The following EIF2D variants were observed in gnomAD, a reference collection of about 807,000 sequenced individuals.
The protein encoded by EIF2D is hepatocellular carcinoma-associated antigen 56.
In EIF2D, 56 loss-of-function variants were observed where a neutral mutation model predicts 77.4. That is an observed-to-expected ratio of 0.72 (90% CI 0.58 to 0.90). The LOEUF (loss-of-function observed/expected upper bound fraction) is 0.90, where lower values mean the gene tolerates loss of function less well. Among genes scored for constraint, EIF2D ranks in the 40% least tolerant of loss-of-function variants. The pLI is 0.00. For synonymous variants in EIF2D, 230 were observed against 271.0 expected (o/e 0.85, Z 1.49); for missense variants, 574 against 706.5 (o/e 0.81, Z 2.13).
chr1:206,610,334 C>T (rs1670409056), intron 2 of EIF2D, among the ~76,000 whole-genome samples: 1 of 152,168 alleles, frequency 6.6e-6, no homozygotes, highest in Admixed American at 6.5e-5. Context: ...GCCCGAGCAA[C>T]ATAGTGAGAC....
chr1:206,583,909 C>T (rs1553406912), intron 2 of EIF2D, among the ~76,000 whole-genome samples: 1 of 152,166 alleles, frequency 6.6e-6, no homozygotes, highest in Non-Finnish European at 1.5e-5. Flanking sequence ...GATGGAGCAC[C>T]AGAAAATCCA....
intron 11 of EIF2D, among the ~76,000 whole-genome samples, chr1:206,598,789 T>G (rs782260960): frequency 1.3e-5 from 2 of 152,268 alleles, no homozygotes; most frequent in Admixed American, 6.5e-5. Context: ...AATATTTACT[T>G]AGTCGGTAGT....
intron 2 of EIF2D, 69 bp downstream of exon 2, chr1:206,611,115 A>G (rs1373736269): frequency 3.8e-5 from 54 of 1,430,108 alleles, no homozygotes; most frequent in Non-Finnish European, 4.8e-5. Flanking sequence ...CAATGGAAGA[A>G]ACAGAGAGAA....
intron 4 of EIF2D, among the ~76,000 whole-genome samples, chr1:206,578,272 GCTTA>G (rs1363891193): frequency 2.0e-5 from 3 of 148,954 alleles, no homozygotes; most frequent in Non-Finnish European, 3.0e-5. Flanking sequence ...GTAAGTAGAT[GCTTA>G]CTTAAGTGCC....
intron 4 of EIF2D, among the ~76,000 whole-genome samples, chr1:206,575,182 GT>G (rs1220819269): frequency 2.6e-5 from 4 of 152,114 alleles, no homozygotes; most frequent in Admixed American, 2.6e-4. Context: ...GCCTGCAGAC[GT>G]TCCCATCTAG....
chr1:206,608,295 A>AG lies in EIF2D; in HGVS notation c.362dup (p.Ala122CysfsTer34). 6.2e-7 allele frequency: 1 copy of AG among 1,613,714 alleles called. No homozygotes were observed. Among genetic ancestry groups the AG allele is most frequent in the South Asian group, 1.1e-5 (1 of 90,994 alleles). ...CCTTCTGTACCTGAGGCAGACCAGC[A>AG]GGGGGCATCACCAGTCCAGGCAGCA... On this transcript the variant is annotated frameshift_variant, in exon 4 of 15. Transcript: ENST00000271764. LOFTEE classifies it high-confidence loss of function.
chr1:206,602,874 T>A (rs1669994198), intron 6 of EIF2D, 77 bp downstream of exon 6: 1 of 1,558,422 alleles, frequency 6.4e-7, no homozygotes, highest in Non-Finnish European at 8.7e-7. Context: ...GCCATTCTAG[T>A]CAGCAGTGGA....
At chr1:206,586,616 T>C in intron 2 of EIF2D, 1 of 546,426 alleles carries the variant, frequency 1.8e-6, no homozygotes, top group Non-Finnish European at 3.3e-6. Context: ...CAACTCTTGG[T>C]CATGAGATGC....
chr1:206,604,742 A>C (rs1029315421), intron 5 of EIF2D: 3 of 152,146 alleles, frequency 2.0e-5, no homozygotes. Context: ...CAAAAAAAAA[A>C]AAAAAAAAAA....
In EIF2D at chr1:206,607,438, T is replaced by A. The variant is rs868971989; in HGVS notation, c.422+798A>T. 2.6e-5 allele frequency among the ~76,000 whole-genome samples: 4 copies of A among 152,166 alleles called. No individual in the cohort carries two copies. In the South Asian group the frequency reaches 8.3e-4, roughly 32 times the overall value. ...GAGGCTTTTAATTTTTCAGAGCTGT[T>A]CATACAATTACTTCTTATTTTTAAA... On this transcript the variant is annotated intron_variant, in intron 4 of 14. Transcript: ENST00000271764.
At chr1:206,587,050 AC>A, downstream of EIF2D, 1 of 1,557,862 alleles carries the variant, frequency 6.4e-7, no homozygotes, top group African/African-American at 1.4e-5. Context: ...TGCAACAGAC[AC>A]TTTTTCTCAG....
intron 13 of EIF2D, 183 bp downstream of exon 13, chr1:206,595,535 A>G: frequency 1.8e-6 from 1 of 542,312 alleles, no homozygotes. Context: ...GCAGTGAGTG[A>G]GCGGGGTCAG....
At position 206,591,730 on chromosome 1, in the gene EIF2D, A is replaced by G. The variant is rs1553408973; in HGVS notation, c.*45T>C. ...ATGCTCATAAAAATTACCAGCCCAG[A>G]GCTTGGATTTCCACCGGATCCACCA... On this transcript the variant is annotated 3_prime_UTR_variant, in exon 15 of 15. Transcript: ENST00000271764. 2.6e-6 allele frequency: 4 copies of G among 1,564,060 alleles called. No individual in the cohort carries two copies. Among genetic ancestry groups the G allele is most frequent in the Non-Finnish European group, 2.6e-6 (3 of 1,134,656 alleles).
At chr1:206,603,357 C>T (rs958557054) in intron 5 of EIF2D, 153 bp from the exon 6 acceptor site, 6 of 999,368 alleles carry the variant, frequency 6.0e-6, no homozygotes, top group Admixed American at 2.9e-5. Context: ...TCATCTCAAG[C>T]GTACTTTCAA....
At chr1:206,587,266 G>T, downstream of EIF2D, 1 of 388,916 alleles carries the variant, frequency 2.6e-6, no homozygotes, top group Non-Finnish European at 4.9e-6. Context: ...CAACCAAATA[G>T]TTGCCTCTCT....
intron 14 of EIF2D, among the ~76,000 whole-genome samples, chr1:206,593,324 C>T (rs1305565871): frequency 3.3e-5 from 5 of 151,936 alleles, no homozygotes; most frequent in South Asian, 2.1e-4. Flanking sequence ...TTTGGGTGCT[C>T]GCCATATGTT....
At chr1:206,611,023 A>G in intron 2 of EIF2D, 161 bp downstream of exon 2, 1 of 625,592 alleles carries the variant, frequency 1.6e-6, no homozygotes, top group South Asian at 2.7e-5. Flanking sequence ...GAATTGAAAG[A>G]CCCAATTCTA....
intron 7 of EIF2D, chr1:206,601,049 G>A (rs1426080142): frequency 6.6e-6 from 1 of 152,102 alleles, no homozygotes; most frequent in African/African-American, 2.4e-5. Context: ...GTGGATTCTC[G>A]AGGAGTCCTT....
chr1:206,604,984 A>C (rs1553412356), intron 5 of EIF2D: 1 of 153,490 alleles, frequency 6.5e-6, no homozygotes, highest in Non-Finnish European at 1.4e-5. Context: ...GAATAACATA[A>C]AAGTAATCAG....
Sources: gnomAD v4.1 joint callset for allele counts (sites outside exome capture counted in the v4.1 genomes callset) on GRCh38, gnomAD v4.1.1 for gene constraint, MANE v1.5 for transcripts, NCBI Gene and HGNC (gene_info 2026-07-23, HGNC 2026-07-21) for gene names.